ZMYM2: variants seen among roughly 807,000 people sequenced by gnomAD.
The protein encoded by ZMYM2 is zinc finger MYM-type containing 2.
ZMYM2 carries 56 observed loss-of-function variants against 162.8 expected under a neutral mutation model. The ratio of observed to expected loss-of-function variants is 0.34; its 90% CI spans 0.28 to 0.43. The LOEUF (loss-of-function observed/expected upper bound fraction) is 0.43, where lower values mean the gene tolerates loss of function less well. Ranked by LOEUF, ZMYM2 falls within the 20% of genes least tolerant of loss-of-function variation. The pLI is 1.00. For synonymous variants in ZMYM2, 510 were observed against 541.6 expected (o/e 0.94, Z 0.81); for missense variants, 1,275 against 1,621.8 (o/e 0.79, Z 3.67).
At position 20,083,761 on chromosome 13, in the gene ZMYM2, G is replaced by T. The variant is rs755664443; in HGVS notation, c.3926G>T (p.Cys1309Phe). 4 of 1,603,676 alleles carry T rather than the reference G, an allele frequency of 2.5e-6. No individual in the cohort carries two copies. In the South Asian group the frequency reaches 4.5e-5, roughly 18 times the overall value. ...AGATGTCCTGTGAAAATGTTTGAATGCTACTTGTCTAAAAGGTGAGTGTTA... is the reference window on the plus strand; with the variant it reads ...AGATGTCCTGTGAAAATGTTTGAATTCTACTTGTCTAAAAGGTGAGTGTTA... ...PSRCPVKMFE[C>F]YLSKSPQNLN... The change falls in exon 24 of 25, where the codon TGC becomes TTC. Residue 1309 changes from cysteine (C) to phenylalanine (F), a missense_variant. By Grantham distance (205) the Cys-to-Phe change is radical. This residue lies in a region of ZMYM2 where 103 missense variants were observed against 192.2 expected (regional missense o/e 0.54). Coordinates refer to ENST00000610343, the MANE Select transcript of ZMYM2 (RefSeq NM_197968.4).
chr13:19,917,009 T>C, the ZMYM2 span, among the ~76,000 whole-genome samples: 1 of 152,150 alleles, frequency 6.6e-6, no homozygotes, highest in Non-Finnish European at 1.5e-5. Flanking sequence ...GTCGCCCAGG[T>C]TGGAGTCCAG....
At chr13:19,977,673 G>C (rs568088003) in intron 2 of ZMYM2, among the ~76,000 whole-genome samples, 63 of 150,106 alleles carry the variant, frequency 4.2e-4, no homozygotes, top group African/African-American at 1.5e-3. Context: ...TGTATTCTTA[G>C]TAGAGACGGG....
At chr13:19,879,388 C>G in the ZMYM2 span, among the ~76,000 whole-genome samples, 1 of 152,112 alleles carries the variant, frequency 6.6e-6, no homozygotes, top group Middle Eastern at 3.4e-3. Flanking sequence ...CCAGTGTGGG[C>G]AACATGGCAA....
chr13:20,067,239 C>A lies in ZMYM2; in HGVS notation c.3302C>A (p.Ser1101Tyr). The A allele has an allele frequency of 6.5e-7, 1 of 1,533,068 alleles. No individual in the cohort carries two copies. Among genetic ancestry groups the A allele is most frequent in the Non-Finnish European group, 8.8e-7 (1 of 1,136,924 alleles). The allele number at this position is 1,533,068 out of a possible 1,614,324, so 95.0% of individuals were successfully genotyped here. A position where few individuals can be genotyped will look rare whatever the true frequency, so the allele number is the denominator to read the frequency against. The change falls in exon 21 of 25, where the codon TCT (serine) becomes TAT (tyrosine). Residue 1101 changes from serine to tyrosine, a missense_variant and splice_region_variant. By Grantham distance (144) the Ser-to-Tyr change is moderately radical. This residue lies in a region of ZMYM2 where 229 missense variants were observed against 283.8 expected (regional missense o/e 0.81). Coordinates refer to ENST00000610343, the MANE Select transcript of ZMYM2 (RefSeq NM_197968.4). The stretch of plus-strand genomic sequence containing the variant: ...TATTTTTTATTTTATGTATTTTTAG[C>A]TAAATCAGTAAAGTTAAAAGAGGAT... ...DLLVLDELKS[S>Y]KSVKLKEDLL... is the part of the protein sequence containing the mutation.
At chr13:20,013,921 A>G (rs1048530930) in intron 6 of ZMYM2, among the ~76,000 whole-genome samples, 1 of 152,092 alleles carries the variant, frequency 6.6e-6, no homozygotes, top group African/African-American at 2.4e-5. Flanking sequence ...CTTTCAAATG[A>G]GGGTAATGCT....
the ZMYM2 span, among the ~76,000 whole-genome samples, chr13:19,865,982 A>C: frequency 9.5e-6 from 1 of 104,826 alleles, no homozygotes; most frequent in African/African-American, 3.0e-5. Flanking sequence ...TGATCATCTT[A>C]ACAGATAAGT....
chr13:19,970,346 A>G (rs1306576141), intron 2 of ZMYM2, among the ~76,000 whole-genome samples: 1 of 152,200 alleles, frequency 6.6e-6, no homozygotes, highest in Non-Finnish European at 1.5e-5. Flanking sequence ...ATAACCTTTC[A>G]TTAGGGACTA....
chr13:20,003,514 ATG>A, intron 4 of ZMYM2, among the ~76,000 whole-genome samples: 1 of 152,316 alleles, frequency 6.6e-6, no homozygotes, highest in Middle Eastern at 3.4e-3. Context: ...TGGATTTTAT[ATG>A]TGTTTGTTTT....
rs1958335163 is a variant in ZMYM2, at chr13:20,087,355, C to T, written c.*1341C>T. The T allele has an allele frequency of 3.7e-5, 7 of 188,228 alleles. No homozygotes were observed. In the East Asian group the frequency reaches 6.0e-4, roughly 16 times the overall value. 11.7% of individuals were successfully genotyped at this position (188,228 alleles called of 1,614,324 possible). On this transcript the variant is annotated 3_prime_UTR_variant, in exon 25 of 25. Transcript: ENST00000610343. ...TTAGAATAAGGAAACTTAAAATCTA[C>T]TTTCTAAAGACTGAACAAAGTGCTA...
intron 2 of ZMYM2, among the ~76,000 whole-genome samples, chr13:19,983,443 G>C (rs368387196): frequency 6.6e-6 from 1 of 152,078 alleles, no homozygotes; most frequent in Admixed American, 6.6e-5. Flanking sequence ...ACCGTGCCCG[G>C]CCTCACATTT....
chr13:19,925,016 C>T, the ZMYM2 span, among the ~76,000 whole-genome samples: 233 of 152,038 alleles, frequency 1.5e-3, 6 homozygotes, highest in South Asian at 0.039. Context: ...TCCTGAGTAG[C>T]TGGGATTACA....
the ZMYM2 span, among the ~76,000 whole-genome samples, chr13:19,901,764 C>T: frequency 2.0e-5 from 3 of 152,120 alleles, no homozygotes; most frequent in East Asian, 1.9e-4. Context: ...CATGAGCTAC[C>T]GCGCCTGGCC....
chr13:19,987,501 G>T (rs1434578445), intron 2 of ZMYM2, among the ~76,000 whole-genome samples: 1 of 151,826 alleles, frequency 6.6e-6, no homozygotes. Context: ...ATGACCTCGT[G>T]ATCTGCCCAC....
the ZMYM2 span, among the ~76,000 whole-genome samples, chr13:19,873,458 G>T: frequency 1.3e-5 from 2 of 151,660 alleles, no homozygotes; most frequent in Non-Finnish European, 2.9e-5. Context: ...GCCCAGGCTG[G>T]AGTGCAGTGG....
chr13:19,911,044 CTTT>C, the ZMYM2 span, among the ~76,000 whole-genome samples: 12 of 89,276 alleles, frequency 1.3e-4, no homozygotes, highest in Non-Finnish European at 7.1e-5. Flanking sequence ...AGTTCCCAGT[CTTT>C]TTTTTTTTTT....
chr13:19,956,222 G>A (rs571403947), upstream of ZMYM2, among the ~76,000 whole-genome samples: 9 of 152,148 alleles, frequency 5.9e-5, no homozygotes, highest in African/African-American at 1.9e-4. Context: ...GACATTTCTC[G>A]TAAATGGAAT....
Position 20,011,573 on chromosome 13 carries a change from G to GTTTTTTT in ZMYM2, c.1512+4991_1512+4992insTTTTTTT, listed in dbSNP as rs764404253. Among the ~76,000 whole-genome samples the GTTTTTTT allele has an allele frequency of 6.7e-4, 97 of 144,208 alleles. 2 individuals are homozygous for GTTTTTTT. The highest frequency in any genetic ancestry group is 1.6e-3 in the African/African-American group (60 of 37,964). 94.6% of individuals were successfully genotyped at this position (144,208 alleles called of 152,430 possible). ...GATGTGCAGAAGTTTTTATTTTTTT[G>GTTTTTTT]TTTTATTTTTTTTTTTTTTGAGGGG... On this transcript the variant is annotated intron_variant, in intron 6 of 24. Coordinates refer to ENST00000610343, the MANE Select transcript of ZMYM2 (RefSeq NM_197968.4).
intron 12 of ZMYM2, among the ~76,000 whole-genome samples, chr13:20,042,611 A>G (rs1162912117): frequency 2.0e-5 from 3 of 152,132 alleles, no homozygotes; most frequent in Non-Finnish European, 4.4e-5. Flanking sequence ...GGAAGAAAGA[A>G]GGCACTCTGG....
chr13:19,869,898 A>G, the ZMYM2 span, among the ~76,000 whole-genome samples: 2 of 152,242 alleles, frequency 1.3e-5, no homozygotes, highest in African/African-American at 4.8e-5. Flanking sequence ...CTGCCTAACA[A>G]ATTACCTAAA....
Sources: allele counts gnomAD v4.1 joint callset (sites outside exome capture counted in the v4.1 genomes callset), GRCh38; gene constraint gnomAD v4.1.1; regional missense constraint gnomAD v4.1.1; transcripts MANE v1.5; gene names NCBI Gene and HGNC (gene_info 2026-07-23, HGNC 2026-07-21).